The following EXD2 variants were observed in gnomAD, a reference collection of about 807,000 sequenced individuals.
EXD2 encodes exonuclease 3'-5' domain-containing protein 2.
Under a neutral mutation model 62.5 loss-of-function variants are expected in EXD2, and 40 were observed. The observed-to-expected ratio is 0.64, with a 90% CI of 0.50 to 0.83. The LOEUF (loss-of-function observed/expected upper bound fraction) is 0.83. EXD2 is among the 40% of genes least tolerant of loss of function. The pLI, the probability that EXD2 is intolerant of heterozygous loss-of-function variation, is 0.00. For missense variants in EXD2, 671 were observed against 761.8 expected, an observed-to-expected ratio of 0.88 and a Z score of 1.40; for synonymous variants, 239 against 291.9, an observed-to-expected ratio of 0.82 and a Z score of 1.85.
chr14:69,240,242 T>C (rs2043936101), intron 9 of EXD2, among the ~76,000 whole-genome samples: 1 of 152,062 alleles, frequency 6.6e-6, no homozygotes, highest in South Asian at 2.1e-4. Flanking sequence ...TCACACAGCA[T>C]CGGAGCAGTT....
At chr14:69,218,435 A>G (rs1426184516) in intron 3 of EXD2, among the ~76,000 whole-genome samples, 3 of 151,970 alleles carry the variant, frequency 2.0e-5, no homozygotes, top group African/African-American at 7.3e-5. Flanking sequence ...TTAGCCCTTT[A>G]TCAGATGAGT....
At chr14:69,238,295 A>G (rs1016100447) in intron 9 of EXD2, among the ~76,000 whole-genome samples, 1 of 152,210 alleles carries the variant, frequency 6.6e-6, no homozygotes, top group African/African-American at 2.4e-5. Flanking sequence ...TAATAGTCCA[A>G]TAACACCCTC....
chr14:69,197,936 G>A (rs1459017413), intron 1 of EXD2, among the ~76,000 whole-genome samples: 2 of 152,132 alleles, frequency 1.3e-5, no homozygotes, highest in Non-Finnish European at 2.9e-5. Flanking sequence ...TTTAATATGA[G>A]TATATATGTA....
chr14:69,223,140 G>A (rs554609326), intron 3 of EXD2, among the ~76,000 whole-genome samples: 7 of 152,264 alleles, frequency 4.6e-5, no homozygotes, highest in South Asian at 4.1e-4. Context: ...AGATGGATCC[G>A]TGGGCCACTA....
At chr14:69,224,028 A>G (rs940034406) in intron 3 of EXD2, 14 of 151,492 alleles carry the variant, frequency 9.2e-5, no homozygotes, top group Non-Finnish European at 5.9e-5. Flanking sequence ...GACGGCGGGG[A>G]GGTGCCACAC....
Position 69,241,877 on chromosome 14 carries a change from G to T in EXD2, c.*777G>T. The T allele has an allele frequency of 2.5e-6, 1 of 399,038 alleles. No homozygotes were observed. Among genetic ancestry groups the T allele is most frequent in the Non-Finnish European group, 4.4e-6 (1 of 226,084 alleles). 24.7% of individuals were successfully genotyped at this position (399,038 alleles called of 1,614,324 possible). ...CTTTCATGCTGTTTGTTGCCTGCTT[G>T]TTGCACTCCTCCTGCCCCAGAACTG... On this transcript the variant is annotated 3_prime_UTR_variant, in exon 10 of 10. Coordinates refer to ENST00000685843, the MANE Select transcript of EXD2 (RefSeq NM_001193360.2).
intron 3 of EXD2, among the ~76,000 whole-genome samples, chr14:69,212,173 C>T (rs572620952): frequency 3.9e-5 from 6 of 152,164 alleles, no homozygotes; most frequent in South Asian, 2.1e-4. Context: ...GTCAGGAGTT[C>T]GAGACCAGCC....
intron 1 of EXD2, among the ~76,000 whole-genome samples, chr14:69,201,616 T>A (rs2042400109): frequency 6.6e-6 from 1 of 151,990 alleles, no homozygotes. Flanking sequence ...GGAGAACTCT[T>A]GCTCCTGTTT....
intron 9 of EXD2, 67 bp downstream of exon 9, chr14:69,237,998 G>T (rs1201034753): frequency 1.4e-6 from 2 of 1,407,702 alleles, no homozygotes; most frequent in East Asian, 4.6e-5. Context: ...GAGAATGCTT[G>T]CCAGGGAGGG....
rs1268952125 is a variant in EXD2, at chr14:69,237,929, CA to C, written c.1648del (p.Arg550GlufsTer12). ...MLQEAASLET[R>X]ISNENYVPHG... ...TTCAAGAGGCTGCCAGCCTGGAGAC[CA>C]GGTACAAAGCACAGGAATTGTGGAA... On this transcript the variant is annotated frameshift_variant and splice_region_variant, in exon 9 of 10. Transcript: ENST00000685843. LOFTEE classifies it high-confidence loss of function. 10 of 1,553,384 alleles carry C rather than the reference CA, an allele frequency of 6.4e-6. No individual in the cohort carries two copies.
chr14:69,205,070 G>A (rs1164347597), intron 2 of EXD2, among the ~76,000 whole-genome samples: 1 of 152,166 alleles, frequency 6.6e-6, no homozygotes, highest in Non-Finnish European at 1.5e-5. Flanking sequence ...GAGTCTTTTT[G>A]TGAATAGATT....
chr14:69,219,706 A>G (rs549557624), intron 3 of EXD2, among the ~76,000 whole-genome samples: 1 of 152,320 alleles, frequency 6.6e-6, no homozygotes, highest in Non-Finnish European at 1.5e-5. Flanking sequence ...TGTATTAAGG[A>G]ATCTTTCTAA....
At chr14:69,225,808 ACT>A (rs956947563) in intron 3 of EXD2, among the ~76,000 whole-genome samples, 56 of 152,222 alleles carry the variant, frequency 3.7e-4, no homozygotes, top group African/African-American at 1.2e-3. Context: ...AGCTAAATTG[ACT>A]CTCCTAGAAA....
At position 69,236,393 on chromosome 14, in the gene EXD2, T is replaced by G. The variant is rs762688092; in HGVS notation, c.1157-14T>G. 6.6e-5 allele frequency: 107 copies of G among 1,613,936 alleles called. 1 individual carries two copies. The highest frequency in any genetic ancestry group is 6.6e-4 in the Middle Eastern group (4 of 6,070). ...CAGGGGGAGCAGTCAAACACTGATG[T>G]CTCTTCTCTTAAGAGCTGGTGAGTG... On this transcript the variant is annotated splice_polypyrimidine_tract_variant and intron_variant, in intron 7 of 9. Coordinates refer to ENST00000685843, the MANE Select transcript of EXD2 (RefSeq NM_001193360.2).
chr14:69,208,207 A>ACT (rs2042676398), intron 2 of EXD2, among the ~76,000 whole-genome samples: 1 of 98,294 alleles, frequency 1.0e-5, no homozygotes, highest in African/African-American at 4.6e-5. Context: ...CAGGCCACTT[A>ACT]CTATTTTTTT....
At chr14:69,202,344 T>C (rs551241734) in intron 1 of EXD2, among the ~76,000 whole-genome samples, 76 of 152,250 alleles carry the variant, frequency 5.0e-4, no homozygotes, top group Non-Finnish European at 9.1e-4. Flanking sequence ...GCCACGGCAC[T>C]GTAGCCTGGG....
intron 9 of EXD2, 86 bp from the exon 10 acceptor site, chr14:69,240,798 A>G (rs2043955257): frequency 8.5e-7 from 1 of 1,180,696 alleles, no homozygotes. Context: ...CTCCCCAGTT[A>G]CCCTTGGCGC....
At chr14:69,216,185 C>T (rs1436140838) in intron 3 of EXD2, among the ~76,000 whole-genome samples, 1 of 152,160 alleles carries the variant, frequency 6.6e-6, no homozygotes, top group Non-Finnish European at 1.5e-5. Flanking sequence ...AGTCAATCTG[C>T]CTAGAATCAC....
Position 69,242,264 on chromosome 14 carries a change from T to G in EXD2, c.*1164T>G. On this transcript the variant is annotated 3_prime_UTR_variant, in exon 10 of 10. Coordinates refer to ENST00000685843, the MANE Select transcript of EXD2 (RefSeq NM_001193360.2). ...TCTTAACAAGCTTAAAAAAGAATTT[T>G]ATGACCAGAATCCAACAAGAGCTCT... 1 of 378,436 alleles carries G rather than the reference T, an allele frequency of 2.6e-6. No individual in the cohort carries two copies. Among genetic ancestry groups the G allele is most frequent in the Non-Finnish European group, 4.7e-6 (1 of 214,518 alleles). 23.4% of individuals were successfully genotyped at this position (378,436 alleles called of 1,614,324 possible). A position where few individuals can be genotyped will look rare whatever the true frequency, so the allele number is the denominator to read the frequency against.
Sources: allele counts gnomAD v4.1 joint callset (sites outside exome capture counted in the v4.1 genomes callset), GRCh38; gene constraint gnomAD v4.1.1; transcripts MANE v1.5; gene names NCBI Gene and HGNC (gene_info 2026-07-23, HGNC 2026-07-21).